CDK19: variants seen among roughly 807,000 people sequenced by gnomAD.
CDK19 encodes cyclin-dependent kinase 19.
In CDK19, 20 loss-of-function variants were observed where a neutral mutation model predicts 68.3. The ratio of observed to expected loss-of-function variants is 0.29; its 90% confidence interval spans 0.21 to 0.43. The LOEUF (loss-of-function observed/expected upper bound fraction) is 0.43. Ranked by LOEUF, CDK19 falls within the 20% of genes least tolerant of loss-of-function variation. The pLI, the probability that CDK19 is intolerant of heterozygous loss-of-function variation, is 1.00. For synonymous variants in CDK19, 221 were observed against 222.8 expected (o/e 0.99, Z 0.07); for missense variants, 339 against 623.5 (o/e 0.54, Z 4.86).
intron 1 of CDK19, among the ~76,000 whole-genome samples, chr6:110,756,282 C>A (rs1275701416): frequency 6.6e-6 from 1 of 151,588 alleles, no homozygotes; most frequent in Non-Finnish European, 1.5e-5. Flanking sequence ...CTCAGCTACT[C>A]AGGAGGCTAA....
rs1202907386 is a variant in CDK19, at chr6:110,611,128, C to G, written c.*3407G>C. On this transcript the variant is annotated 3_prime_UTR_variant, in exon 13 of 13. Transcript: ENST00000368911. ...TACTTCATCACAAGGATTGTTTCAG[C>G]CTCATAGTATCAGCCCTGCTGCCAA... The G allele has an allele frequency of 6.6e-6, 1 of 152,172 alleles. No individual in the cohort carries two copies. The highest frequency in any genetic ancestry group is 2.4e-5 in the African/African-American group (1 of 41,444). 9.4% of individuals were successfully genotyped at this position (152,172 alleles called of 1,614,324 possible). A position where few individuals can be genotyped will look rare whatever the true frequency, so the allele number is the denominator to read the frequency against.
upstream of CDK19, chr6:110,815,836 G>C (rs1253772745): frequency 6.6e-6 from 1 of 152,452 alleles, no homozygotes; most frequent in East Asian, 1.9e-4. Flanking sequence ...GCAGTGACTC[G>C]GGAGGCGAGG....
chr6:110,703,733 G>T (rs6941415), intron 2 of CDK19, among the ~76,000 whole-genome samples: 102,956 of 151,948 alleles, frequency 0.68, 35,985 homozygotes, highest in Admixed American at 0.81. Flanking sequence ...CCAGCAACTC[G>T]GGAGGCTGAA....
At position 110,815,019 on chromosome 6, in the gene CDK19, G is replaced by C. The variant is rs773263211; in HGVS notation, c.118C>G (p.Arg40Gly). The change falls in exon 1 of 13, where the codon CGG becomes GGG. Residue 40 changes from arginine (R) to glycine (G), a missense_variant. Around this residue, in one of 4 missense-constraint regions of CDK19, gnomAD observed 120 missense variants for 224.0 expected, o/e 0.54. Transcript: ENST00000368911. ...GTYGHVYKAR[R>G]KDGKDEKEYA... ...CGCCCCTGCTCTTACCCATCTTTCC[G>C]CCTCGCCTTGTAGACGTGACCGTAG... The C allele has an allele frequency of 5.6e-6, 9 of 1,603,732 alleles. No individual in the cohort carries two copies. The highest frequency in any genetic ancestry group is 7.7e-6 in the Non-Finnish European group (9 of 1,175,848).
chr6:110,800,005 C>T (rs896362857), intron 1 of CDK19, among the ~76,000 whole-genome samples: 1 of 152,118 alleles, frequency 6.6e-6, no homozygotes, highest in African/African-American at 2.4e-5. Context: ...CCACGAGTCT[C>T]AACATATTCA....
At chr6:110,704,647 T>C (rs148210801) in intron 2 of CDK19, among the ~76,000 whole-genome samples, 4 of 152,378 alleles carry the variant, frequency 2.6e-5, no homozygotes, top group South Asian at 2.1e-4. Context: ...AGTCATTCCA[T>C]GTTATGAATG....
chr6:110,756,753 A>G (rs1778867354), intron 1 of CDK19, among the ~76,000 whole-genome samples: 1 of 152,176 alleles, frequency 6.6e-6, no homozygotes, highest in Non-Finnish European at 1.5e-5. Flanking sequence ...AAGGTAACTG[A>G]GATTTCTAGT....
intron 1 of CDK19, among the ~76,000 whole-genome samples, chr6:110,791,170 CA>C (rs200651226): frequency 5.4e-4 from 63 of 116,110 alleles, no homozygotes; most frequent in Non-Finnish European, 5.5e-4. Flanking sequence ...GACTCCGTCT[CA>C]AAAAAAAAAA....
At chr6:110,785,543 G>A (rs802662) in intron 1 of CDK19, among the ~76,000 whole-genome samples, 50,005 of 151,978 alleles carry the variant, frequency 0.33, 9,400 homozygotes, top group East Asian at 0.68. Context: ...GTGGATCATC[G>A]TAAAGTTCTT....
intron 2 of CDK19, among the ~76,000 whole-genome samples, chr6:110,673,124 A>G (rs1461746378): frequency 6.6e-6 from 1 of 152,126 alleles, no homozygotes; most frequent in Non-Finnish European, 1.5e-5. Context: ...GCTCCTGATA[A>G]CCATTATCTA....
intron 2 of CDK19, among the ~76,000 whole-genome samples, chr6:110,683,899 A>G (rs1772226918): frequency 6.7e-6 from 1 of 148,256 alleles, no homozygotes; most frequent in Non-Finnish European, 1.5e-5. Flanking sequence ...TTTAGTGGAG[A>G]TGGGGTTTCA....
At chr6:110,622,950 G>T in intron 9 of CDK19, 38 bp from the exon 10 acceptor site, 2 of 1,259,442 alleles carry the variant, frequency 1.6e-6, no homozygotes, top group South Asian at 1.2e-5. Flanking sequence ...CACATGAAAA[G>T]GTTATTTACA....
At chr6:110,675,359 G>A (rs1265767403) in intron 2 of CDK19, among the ~76,000 whole-genome samples, 2 of 152,150 alleles carry the variant, frequency 1.3e-5, no homozygotes, top group Non-Finnish European at 2.9e-5. Context: ...CGGGTACAGT[G>A]GCTCACGCCT....
chr6:110,644,662 C>T (rs901420766), intron 4 of CDK19, among the ~76,000 whole-genome samples: 2 of 152,096 alleles, frequency 1.3e-5, no homozygotes, highest in African/African-American at 2.4e-5. Context: ...CCCAGTCCCT[C>T]GCAGGCTGGA....
chr6:110,764,599 T>G (rs192820999), intron 1 of CDK19, among the ~76,000 whole-genome samples: 1 of 152,292 alleles, frequency 6.6e-6, no homozygotes, highest in Non-Finnish European at 1.5e-5. Context: ...CCTTACACCC[T>G]GCACAAAAAT....
intron 4 of CDK19, among the ~76,000 whole-genome samples, chr6:110,647,123 G>T (rs1780652290): frequency 1.3e-5 from 2 of 152,094 alleles, no homozygotes; most frequent in South Asian, 2.1e-4. Context: ...ACCCCCAAAG[G>T]AAAAGCCAGA....
At chr6:110,681,309 G>T (rs1010078014) in intron 2 of CDK19, among the ~76,000 whole-genome samples, 3 of 152,102 alleles carry the variant, frequency 2.0e-5, no homozygotes, top group African/African-American at 7.2e-5. Context: ...TCGCACCACT[G>T]CACTTCAGCC....
chr6:110,623,749 T>TAC (rs1491031436), intron 8 of CDK19, among the ~76,000 whole-genome samples: 1 of 88,180 alleles, frequency 1.1e-5, no homozygotes, highest in Non-Finnish European at 2.2e-5. Flanking sequence ...TATATATATA[T>TAC]ATACATATAT....
At chr6:110,789,285 CTTTT>C (rs553847560) in intron 1 of CDK19, among the ~76,000 whole-genome samples, 1 of 145,506 alleles carries the variant, frequency 6.9e-6, no homozygotes, top group Non-Finnish European at 1.5e-5. Context: ...TAAATTTTAA[CTTTT>C]TTTTTTTTTA....
Sources: allele counts gnomAD v4.1 joint callset (sites outside exome capture counted in the v4.1 genomes callset), GRCh38; gene constraint gnomAD v4.1.1; regional missense constraint gnomAD v4.1.1; transcripts MANE v1.5; gene names NCBI Gene and HGNC (gene_info 2026-07-23, HGNC 2026-07-21).